MYO3B: variants seen among roughly 807,000 people sequenced by gnomAD.
MYO3B encodes the protein myosin IIIB.
Under a neutral mutation model 174.6 loss-of-function variants are expected in MYO3B, and 156 were observed. That is an observed-to-expected ratio of 0.89 (90% CI 0.78 to 1.02). MYO3B has a LOEUF of 1.02. MYO3B is among the 50% of genes least tolerant of loss of function. MYO3B has a pLI of 0.00. For missense variants in MYO3B, 1,632 were observed against 1,639.4 expected, an observed-to-expected ratio of 1.00 and a Z score of 0.08; for synonymous variants, 563 against 569.1, an observed-to-expected ratio of 0.99 and a Z score of 0.15.
chr2:170,338,386 G>A (rs772910418), intron 8 of MYO3B, among the ~76,000 whole-genome samples: 2 of 152,028 alleles, frequency 1.3e-5, no homozygotes, highest in African/African-American at 4.8e-5. Context: ...TGTCTTTACG[G>A]TTTTTTATTA....
intron 7 of MYO3B, among the ~76,000 whole-genome samples, chr2:170,305,353 T>C (rs1221517000): frequency 6.6e-6 from 1 of 152,220 alleles, no homozygotes; most frequent in African/African-American, 2.4e-5. Context: ...TTTTAAGGTA[T>C]ATTTTCTTAA....
At chr2:170,315,377 T>C (rs984117347) in intron 7 of MYO3B, among the ~76,000 whole-genome samples, 3 of 151,872 alleles carry the variant, frequency 2.0e-5, no homozygotes, top group Non-Finnish European at 4.4e-5. Flanking sequence ...AGTGGCACGA[T>C]CTCACTTGAA....
intron 32 of MYO3B, 76 bp downstream of exon 32, chr2:170,544,064 C>A: frequency 2.5e-6 from 3 of 1,202,660 alleles, no homozygotes; most frequent in South Asian, 1.3e-5. Context: ...GTTGTTTGGG[C>A]AGGACTCAAT....
intron 13 of MYO3B, 143 bp from the exon 14 acceptor site, chr2:170,386,963 C>A: frequency 1.5e-6 from 1 of 689,036 alleles, no homozygotes; most frequent in Non-Finnish European, 2.4e-6. Flanking sequence ...GAAAATGATG[C>A]TGGTGGTTGA....
chr2:170,194,195 A>G (rs1168176542), intron 1 of MYO3B, among the ~76,000 whole-genome samples: 2 of 152,128 alleles, frequency 1.3e-5, no homozygotes, highest in East Asian at 3.8e-4. Flanking sequence ...ATTTGCTCAT[A>G]CTTTTTTTCC....
chr2:170,195,568 G>C (rs890831557), intron 1 of MYO3B, among the ~76,000 whole-genome samples: 2 of 152,060 alleles, frequency 1.3e-5, no homozygotes, highest in African/African-American at 4.8e-5. Flanking sequence ...ATTCTTCCTG[G>C]ACACTGGACA....
At chr2:170,478,130 CTCATTGACCTGACCTGGG>C (rs748481569) in intron 25 of MYO3B, among the ~76,000 whole-genome samples, 3 of 152,036 alleles carry the variant, frequency 2.0e-5, no homozygotes, top group Non-Finnish European at 4.4e-5. Flanking sequence ...TTACATATAC[CTCATTGACCTGACCTGGG>C]TCCCGTGACC....
At chr2:170,231,036 C>G (rs1224437760) in intron 6 of MYO3B, among the ~76,000 whole-genome samples, 1 of 152,210 alleles carries the variant, frequency 6.6e-6, no homozygotes, top group African/African-American at 2.4e-5. Context: ...CTGCCATTTT[C>G]TGGCTGGTGG....
In MYO3B at chr2:170,649,216, A is replaced by T. The variant is rs370009675; in HGVS notation, c.3734-2412A>T. Among the ~76,000 whole-genome samples the T allele has an allele frequency of 1.2e-3, 26 of 20,920 alleles. 1 individual carries two copies. The highest frequency in any genetic ancestry group is 7.8e-3 in the South Asian group (5 of 644). The allele number at this position is 20,920 out of a possible 152,430, so 13.7% of individuals were successfully genotyped here. A position where few individuals can be genotyped will look rare whatever the true frequency, so the allele number is the denominator to read the frequency against. On this transcript the variant is annotated intron_variant, in intron 32 of 34. Transcript: ENST00000408978. ...TATATTATATATAAAATAATATATA[A>T]TATATTATATATAAAATAATATATA...
chr2:170,384,043 G>A (rs1323036600), intron 12 of MYO3B: 4 of 424,442 alleles, frequency 9.4e-6, no homozygotes, highest in African/African-American at 4.0e-5. Flanking sequence ...CATGAGGTGC[G>A]CTCATTTTCT....
intron 8 of MYO3B, among the ~76,000 whole-genome samples, chr2:170,355,809 G>C (rs1235245430): frequency 6.6e-6 from 1 of 152,102 alleles, no homozygotes; most frequent in Non-Finnish European, 1.5e-5. Flanking sequence ...CAAGGGGCCT[G>C]ACCCTATAAA....
chr2:170,524,587 GA>G (rs1438280473), intron 30 of MYO3B: 1 of 409,174 alleles, frequency 2.4e-6, no homozygotes, highest in East Asian at 8.5e-5. Flanking sequence ...GGGTTCAAGT[GA>G]TTCTCCTGCC....
intron 32 of MYO3B, among the ~76,000 whole-genome samples, chr2:170,604,598 G>A (rs1694702217): frequency 6.6e-6 from 1 of 152,158 alleles, no homozygotes; most frequent in Non-Finnish European, 1.5e-5. Context: ...CTGAGTTAGA[G>A]AGGAACAATA....
At position 170,383,412 on chromosome 2, in the gene MYO3B, G is replaced by A. The variant is rs74829463; in HGVS notation, c.1185+223G>A. 4.3e-3 allele frequency among the ~76,000 whole-genome samples: 660 copies of A among 152,262 alleles called. 3 individuals are homozygous for A. The highest frequency in any genetic ancestry group is 0.013 in the African/African-American group (558 of 41,544). Reference sequence around the variant, plus strand: ...TTAACATTTATTGCGTGCTTACTGCGTGTTAGACACTGGGTTATCTCACTT... The same window carrying A: ...TTAACATTTATTGCGTGCTTACTGCATGTTAGACACTGGGTTATCTCACTT... On this transcript the variant is annotated intron_variant, in intron 11 of 34. Transcript: ENST00000408978.
chr2:170,491,576 C>T (rs1352682252), intron 25 of MYO3B, among the ~76,000 whole-genome samples: 1 of 152,196 alleles, frequency 6.6e-6, no homozygotes, highest in Non-Finnish European at 1.5e-5. Context: ...TAGGTGCCCG[C>T]CACCATGCCC....
intron 7 of MYO3B, among the ~76,000 whole-genome samples, chr2:170,307,403 G>A (rs1217697578): frequency 6.6e-6 from 1 of 152,154 alleles, no homozygotes; most frequent in African/African-American, 2.4e-5. Context: ...TCTTTAACCT[G>A]AGAAAATTAA....
Position 170,465,658 on chromosome 2 carries a change from C to G in MYO3B, c.2809-848C>G, listed in dbSNP as rs570903822. Among the ~76,000 whole-genome samples the G allele has an allele frequency of 8.5e-5, 13 of 152,292 alleles. No individual in the cohort carries two copies. In the East Asian group the frequency reaches 1.9e-3, roughly 23 times the overall value. On this transcript the variant is annotated intron_variant, in intron 24 of 34. Coordinates refer to ENST00000408978, the MANE Select transcript of MYO3B (RefSeq NM_138995.5). Reference sequence around the variant, plus strand: ...TAGGGCCCCCCTATCAGCAGAAAAGCCTCTGGCTACGGTTTTTCAGAAATA... The same window carrying G: ...TAGGGCCCCCCTATCAGCAGAAAAGGCTCTGGCTACGGTTTTTCAGAAATA...
intron 32 of MYO3B, chr2:170,644,058 TTTC>T (rs1296714842): frequency 6.6e-6 from 1 of 152,106 alleles, no homozygotes; most frequent in Admixed American, 6.5e-5. Context: ...AAGAAGACAT[TTTC>T]TTCTTCATCT....
chr2:170,382,769 T>C (rs1449167642), intron 10 of MYO3B: 3 of 227,378 alleles, frequency 1.3e-5, no homozygotes, highest in Admixed American at 5.6e-5. Flanking sequence ...ATACAACATT[T>C]TGACTGGTTG....
Sources: allele counts gnomAD v4.1 joint callset (sites outside exome capture counted in the v4.1 genomes callset), GRCh38; gene constraint gnomAD v4.1.1; transcripts MANE v1.5; gene names NCBI Gene and HGNC (gene_info 2026-07-23, HGNC 2026-07-21).